The following NRG1 variants were observed in gnomAD, a reference collection of about 807,000 sequenced individuals.
NRG1 encodes pro-neuregulin-1, membrane-bound isoform.
A neutral mutation model predicts 63.8 loss-of-function variants in NRG1; 18 were observed. That is an observed-to-expected ratio of 0.28 (90% confidence interval 0.19 to 0.42). The LOEUF (loss-of-function observed/expected upper bound fraction) is 0.42, where lower values mean the gene tolerates loss of function less well. Ranked by LOEUF, NRG1 falls within the 10% of genes least tolerant of loss-of-function variation. The pLI is 1.00. For missense variants in NRG1, 762 were observed against 814.7 expected, an observed-to-expected ratio of 0.94 and a Z score of 0.79; for synonymous variants, 302 against 301.3, an observed-to-expected ratio of 1.00 and a Z score of -0.02.
At chr8:32,186,426 C>T (rs557796533) in intron 1 of NRG1, among the ~76,000 whole-genome samples, 2 of 149,174 alleles carry the variant, frequency 1.3e-5, no homozygotes, top group South Asian at 4.3e-4. Context: ...GCGCCACTGC[C>T]CTCCAGCCTG....
At chr8:32,426,375 A>G (rs919076107) in intron 1 of NRG1, among the ~76,000 whole-genome samples, 3 of 152,200 alleles carry the variant, frequency 2.0e-5, no homozygotes, top group Admixed American at 6.5e-5. Context: ...ATCAATTTCT[A>G]TTTGAAATAG....
intron 1 of NRG1, among the ~76,000 whole-genome samples, chr8:32,143,737 C>G (rs776386038): frequency 9.2e-5 from 14 of 152,236 alleles, no homozygotes; most frequent in Non-Finnish European, 2.1e-4. Context: ...CAGATACCTT[C>G]TCTTCTTTCA....
chr8:32,142,058 T>G (rs533507212), intron 1 of NRG1, among the ~76,000 whole-genome samples: 36 of 152,274 alleles, frequency 2.4e-4, no homozygotes, highest in Admixed American at 6.5e-4. Flanking sequence ...TATTAGTGTC[T>G]ATTTGCACTG....
chr8:32,069,011 T>A (rs953631845), intron 1 of NRG1, among the ~76,000 whole-genome samples: 1 of 152,082 alleles, frequency 6.6e-6, no homozygotes, highest in African/African-American at 2.4e-5. Context: ...AGGATGGCAA[T>A]CATGAGGAAT....
At chr8:32,055,105 G>C (rs1366066218) in intron 1 of NRG1, among the ~76,000 whole-genome samples, 3 of 151,614 alleles carry the variant, frequency 2.0e-5, no homozygotes, top group Non-Finnish European at 4.4e-5. Context: ...GGCCAGGCTG[G>C]TCTCAAACTC....
At chr8:32,423,502 G>A (rs768525222) in intron 1 of NRG1, among the ~76,000 whole-genome samples, 9 of 152,000 alleles carry the variant, frequency 5.9e-5, no homozygotes, top group Non-Finnish European at 1.0e-4. Flanking sequence ...AAAATTAGCC[G>A]GGCATGGTGG....
At chr8:32,451,535 A>G (rs931961895) in intron 1 of NRG1, among the ~76,000 whole-genome samples, 1 of 152,064 alleles carries the variant, frequency 6.6e-6, no homozygotes, top group Admixed American at 6.5e-5. Flanking sequence ...GCCAGTCTTT[A>G]TTATCCCCGC....
intron 5 of NRG1, among the ~76,000 whole-genome samples, chr8:32,697,989 C>CGAG (rs1813791936): frequency 1.3e-5 from 2 of 152,066 alleles, no homozygotes; most frequent in Non-Finnish European, 2.9e-5. Context: ...AGGCAGATCA[C>CGAG]GAGGTCAAGA....
At chr8:32,301,774 G>A (rs866254436) in intron 1 of NRG1, among the ~76,000 whole-genome samples, 6 of 152,094 alleles carry the variant, frequency 3.9e-5, no homozygotes, top group Non-Finnish European at 2.9e-5. Flanking sequence ...AGGAAAGACC[G>A]GCCTGCATAA....
chr8:32,650,626 A>G (rs1414416574), intron 5 of NRG1, among the ~76,000 whole-genome samples: 1 of 149,718 alleles, frequency 6.7e-6, no homozygotes, highest in African/African-American at 2.5e-5. Flanking sequence ...TGTTGTTTAA[A>G]AAGGTTGTAA....
chr8:31,713,084 C>T (rs1811966056), intron 1 of NRG1, among the ~76,000 whole-genome samples: 1 of 151,748 alleles, frequency 6.6e-6, no homozygotes, highest in South Asian at 2.1e-4. Flanking sequence ...AGCAGCCAGC[C>T]CTACTCACTG....
intron 5 of NRG1, among the ~76,000 whole-genome samples, chr8:32,630,615 C>T (rs1362812829): frequency 6.6e-6 from 1 of 152,110 alleles, no homozygotes; most frequent in Non-Finnish European, 1.5e-5. Flanking sequence ...CAGACTGCAA[C>T]CATAGCTTTT....
At chr8:32,185,595 G>A (rs372849353) in intron 1 of NRG1, among the ~76,000 whole-genome samples, 119 of 152,274 alleles carry the variant, frequency 7.8e-4, no homozygotes, top group African/African-American at 1.1e-3. Context: ...ACAGTAGTCC[G>A]GGCAGTCTAA....
intron 1 of NRG1, among the ~76,000 whole-genome samples, chr8:32,277,375 A>T (rs754309188): frequency 1.3e-5 from 2 of 152,158 alleles, no homozygotes; most frequent in Non-Finnish European, 2.9e-5. Flanking sequence ...AGGACAAGAA[A>T]CTTCACTTGG....
chr8:32,557,348 A>G (rs915135187), intron 1 of NRG1, among the ~76,000 whole-genome samples: 1 of 152,158 alleles, frequency 6.6e-6, no homozygotes, highest in African/African-American at 2.4e-5. Context: ...ATCTGTTTTT[A>G]TATCTTTTGG....
intron 1 of NRG1, among the ~76,000 whole-genome samples, chr8:31,725,815 A>G (rs1390036836): frequency 6.6e-6 from 1 of 152,212 alleles, no homozygotes; most frequent in East Asian, 1.9e-4. Context: ...TACAGCTATT[A>G]CAGTTAGGGT....
chr8:32,370,781 C>T (rs1808709290), intron 1 of NRG1, among the ~76,000 whole-genome samples: 1 of 129,788 alleles, frequency 7.7e-6, no homozygotes, highest in Admixed American at 9.2e-5. Flanking sequence ...TTGCTTGAGA[C>T]TGGGAAGTGG....
rs368632501 is a variant in NRG1, at chr8:32,309,853, T to C, written c.38-285975T>C. On this transcript the variant is annotated intron_variant, in intron 1 of 10. Transcript: ENST00000519301. Reference sequence around the variant, plus strand: ...CGCCTCCCACCTCTGTGACACTCTTTTGCAAAAATATGCAATTTTTCTACA... The same window carrying C: ...CGCCTCCCACCTCTGTGACACTCTTCTGCAAAAATATGCAATTTTTCTACA... Among the ~76,000 whole-genome samples the C allele has an allele frequency of 2.6e-5, 4 of 152,352 alleles. No individual in the cohort carries two copies. In the East Asian group the frequency reaches 5.8e-4, roughly 22 times the overall value.
chr8:31,722,988 A>G lies in NRG1; in HGVS notation c.37+83557A>G, dbSNP rs184869035. On this transcript the variant is annotated intron_variant, in intron 1 of 10. Transcript: ENST00000519301. The stretch of plus-strand genomic sequence containing the variant: ...AACAATAGTTAGAATCATTTTAAGA[A>G]AACAACATTGATATATGAAAATATT... Among the ~76,000 whole-genome samples, 588 of 152,298 alleles carry G rather than the reference A, an allele frequency of 3.9e-3. 1 individual carries two copies. Among genetic ancestry groups the G allele is most frequent in the South Asian group, 0.019 (92 of 4,822 alleles).
Sources: allele counts gnomAD v4.1 joint callset (sites outside exome capture counted in the v4.1 genomes callset), GRCh38; gene constraint gnomAD v4.1.1; transcripts MANE v1.5; gene names NCBI Gene and HGNC (gene_info 2026-07-23, HGNC 2026-07-21).